The following STAB2 variants were observed in gnomAD, a reference collection of about 807,000 sequenced individuals.
STAB2 encodes stabilin-2.
A neutral mutation model predicts 338.1 loss-of-function variants in STAB2; 288 were observed. That is an observed-to-expected ratio of 0.85 (90% CI 0.77 to 0.94). STAB2 has a LOEUF of 0.94. Ranked by LOEUF, STAB2 falls within the 40% of genes least tolerant of loss-of-function variation. STAB2 has a pLI of 0.00. For synonymous variants in STAB2, 1,202 were observed against 1,193.3 expected (o/e 1.01, Z -0.15); for missense variants, 3,141 against 3,210.1 (o/e 0.98, Z 0.52).
chr12:103,667,795 C>CA (rs1295124806), intron 19 of STAB2, among the ~76,000 whole-genome samples: 3 of 152,210 alleles, frequency 2.0e-5, no homozygotes, highest in Non-Finnish European at 4.4e-5. Context: ...TTGACATCAA[C>CA]AATTATCTAA....
intron 9 of STAB2, among the ~76,000 whole-genome samples, chr12:103,647,076 G>A (rs1434545694): frequency 6.6e-6 from 1 of 152,220 alleles, no homozygotes; most frequent in Non-Finnish European, 1.5e-5. Context: ...ATTCTCCTGT[G>A]TACACTTTCT....
intron 5 of STAB2, among the ~76,000 whole-genome samples, chr12:103,628,600 C>A (rs1245742125): frequency 6.6e-6 from 1 of 152,228 alleles, no homozygotes; most frequent in Non-Finnish European, 1.5e-5. Context: ...CTTTCATCCT[C>A]TGGTAGCCCC....
chr12:103,669,474 G>A, intron 20 of STAB2, 67 bp from the exon 21 acceptor site: 1 of 1,334,042 alleles, frequency 7.5e-7, no homozygotes. Flanking sequence ...AAATTAAAAT[G>A]CATCCCCTTT....
At chr12:103,606,925 C>T (rs912713236) in intron 3 of STAB2, among the ~76,000 whole-genome samples, 43 of 151,970 alleles carry the variant, frequency 2.8e-4, no homozygotes, top group African/African-American at 8.9e-4. Flanking sequence ...TGGAGGGTGC[C>T]GTGAGCTGAG....
chr12:103,692,397 G>GT lies in STAB2; in HGVS notation c.3298-415_3298-414insT, dbSNP rs373650441. Among the ~76,000 whole-genome samples, 21 of 59,090 alleles carry GT rather than the reference G, an allele frequency of 3.6e-4. No individual in the cohort carries two copies. In the East Asian group the frequency reaches 9.5e-3, roughly 27 times the overall value. 38.8% of individuals were successfully genotyped at this position (59,090 alleles called of 152,430 possible). A position where few individuals can be genotyped will look rare whatever the true frequency, so the allele number is the denominator to read the frequency against. The stretch of plus-strand genomic sequence containing the variant: ...TTTCAGTATACAAATTGTGGGGGCA[G>GT]GGGGGGACACAGCTCAACCCACAGT... On this transcript the variant is annotated intron_variant, in intron 30 of 68. Coordinates refer to ENST00000388887, the MANE Select transcript of STAB2 (RefSeq NM_017564.10).
chr12:103,667,219 A>G (rs186326434), intron 19 of STAB2, among the ~76,000 whole-genome samples: 104 of 152,302 alleles, frequency 6.8e-4, no homozygotes, highest in Non-Finnish European at 1.1e-3. Flanking sequence ...AGGTGTTCAG[A>G]TATTTATTTT....
chr12:103,636,327 T>G (rs1010950642), intron 6 of STAB2, among the ~76,000 whole-genome samples: 2 of 151,956 alleles, frequency 1.3e-5, no homozygotes, highest in Non-Finnish European at 2.9e-5. Flanking sequence ...AGAATTATTT[T>G]ATTTTAAACT....
At chr12:103,746,877 T>A (rs1883083487) in intron 58 of STAB2, among the ~76,000 whole-genome samples, 173 bp downstream of exon 58, 1 of 152,030 alleles carries the variant, frequency 6.6e-6, no homozygotes. Flanking sequence ...CTTGATCTGC[T>A]CACCCTCTAG....
chr12:103,711,179 G>A, intron 39 of STAB2: 2 of 436,194 alleles, frequency 4.6e-6, no homozygotes, highest in South Asian at 3.7e-5. Flanking sequence ...GACCATAAGA[G>A]CACATGGTCA....
At chr12:103,727,154 T>A in intron 46 of STAB2, 113 bp from the exon 47 acceptor site, 2 of 1,033,788 alleles carry the variant, frequency 1.9e-6, no homozygotes, top group Non-Finnish European at 3.0e-6. Flanking sequence ...AACAGAGGTC[T>A]CCTCATCCAG....
At chr12:103,677,077 A>G (rs944844196) in intron 24 of STAB2, among the ~76,000 whole-genome samples, 1 of 152,144 alleles carries the variant, frequency 6.6e-6, no homozygotes, top group Admixed American at 6.5e-5. Context: ...TTGGGTTGCC[A>G]CATTATACAG....
chr12:103,624,586 T>A (rs1265230908), intron 5 of STAB2, among the ~76,000 whole-genome samples: 2 of 152,216 alleles, frequency 1.3e-5, no homozygotes, highest in African/African-American at 2.4e-5. Context: ...ATCATAGGTG[T>A]TTCTTCACCC....
At chr12:103,639,607 G>A (rs191690607) in intron 8 of STAB2, among the ~76,000 whole-genome samples, 27 of 151,538 alleles carry the variant, frequency 1.8e-4, no homozygotes, top group African/African-American at 5.1e-4. Context: ...GGAAGACTGA[G>A]GTGGGAGAAT....
Position 103,701,927 on chromosome 12 carries a change from C to G in STAB2, c.3715-1221C>G, listed in dbSNP as rs145743872. On this transcript the variant is annotated intron_variant, in intron 34 of 68. Transcript: ENST00000388887. ...ATATATGAATTTAAGAATTTTAAAC[C>G]ATTGTTGGATCCTAACTTGAGTTTT... 5.3e-3 allele frequency among the ~76,000 whole-genome samples: 801 copies of G among 150,806 alleles called. 5 individuals are homozygous for G. The highest frequency in any genetic ancestry group is 0.018 in the African/African-American group (751 of 41,066).
intron 4 of STAB2, 101 bp downstream of exon 4, chr12:103,620,654 CGT>C: frequency 6.1e-5 from 57 of 928,924 alleles, no homozygotes; most frequent in Non-Finnish European, 7.6e-5. Context: ...CACACACACA[CGT>C]GCACACACAC....
chr12:103,737,936 C>T (rs113108613), intron 53 of STAB2, among the ~76,000 whole-genome samples, 156 bp downstream of exon 53: 83 of 152,238 alleles, frequency 5.5e-4, no homozygotes, highest in African/African-American at 1.9e-3. Context: ...GTTCTTTAGA[C>T]TCAGAAGCAA....
chr12:103,716,047 C>T (rs1420614484), intron 43 of STAB2, among the ~76,000 whole-genome samples, 159 bp downstream of exon 43: 1 of 152,130 alleles, frequency 6.6e-6, no homozygotes, highest in African/African-American at 2.4e-5. Flanking sequence ...AGAGGCCCTT[C>T]TTTGGGAATG....
At chr12:103,689,488 A>T (rs1460518545) in intron 28 of STAB2, among the ~76,000 whole-genome samples, 1 of 123,822 alleles carries the variant, frequency 8.1e-6, no homozygotes, top group Non-Finnish European at 1.9e-5. Context: ...ATCTCAAAAA[A>T]AAAAAGAAAA....
intron 9 of STAB2, among the ~76,000 whole-genome samples, chr12:103,648,040 T>G (rs1329510137): frequency 6.6e-6 from 1 of 152,196 alleles, no homozygotes; most frequent in African/African-American, 2.4e-5. Flanking sequence ...CCCTCACTCT[T>G]TTCTCAAATG....
Sources: allele counts gnomAD v4.1 joint callset (sites outside exome capture counted in the v4.1 genomes callset), GRCh38; gene constraint gnomAD v4.1.1; transcripts MANE v1.5; gene names NCBI Gene and HGNC (gene_info 2026-07-23, HGNC 2026-07-21).